PTPRN2: variants seen among roughly 807,000 people sequenced by gnomAD.
PTPRN2 encodes receptor-type tyrosine-protein phosphatase N2.
In PTPRN2, 74 loss-of-function variants were observed where a neutral mutation model predicts 118.8. The ratio of observed to expected loss-of-function variants is 0.62; its 90% CI spans 0.52 to 0.76. PTPRN2 has a LOEUF of 0.76. Among genes scored for constraint, PTPRN2 ranks in the 30% least tolerant of loss-of-function variants. The pLI, the probability that PTPRN2 is intolerant of heterozygous loss-of-function variation, is 0.00. For missense variants in PTPRN2, 1,481 were observed against 1,394.4 expected, an observed-to-expected ratio of 1.06 and a Z score of -0.99; for synonymous variants, 641 against 608.0, an observed-to-expected ratio of 1.05 and a Z score of -0.80.
At chr7:158,174,149 G>C (rs979530077) in intron 5 of PTPRN2, among the ~76,000 whole-genome samples, 23 of 152,156 alleles carry the variant, frequency 1.5e-4, no homozygotes, top group African/African-American at 5.3e-4. Flanking sequence ...GTAAAAACAG[G>C]CATAAGAAAT....
intron 12 of PTPRN2, among the ~76,000 whole-genome samples, chr7:157,701,248 G>A (rs1043405956): frequency 3.9e-5 from 6 of 152,164 alleles, no homozygotes; most frequent in African/African-American, 1.2e-4. Flanking sequence ...CACACACTGA[G>A]GGCATGTTTC....
rs534952528 is a variant in PTPRN2 at position 158,156,227 on chromosome 7, T to G, written c.910+10704A>C. Among the ~76,000 whole-genome samples the G allele has an allele frequency of 1.3e-5, 2 of 152,342 alleles. 1 individual carries two copies. Among genetic ancestry groups the G allele is most frequent in the South Asian group, 4.1e-4 (2 of 4,832 alleles). ...TCACCCAGTCTGACACTTTCTCTAT[T>G]GAATGCAATACTGAGGCAAAGAAGA... On this transcript the variant is annotated intron_variant, in intron 6 of 22. Coordinates refer to ENST00000389418, the MANE Select transcript of PTPRN2 (RefSeq NM_002847.5).
At chr7:158,268,968 G>C (rs1157715480) in intron 3 of PTPRN2, among the ~76,000 whole-genome samples, 1 of 152,168 alleles carries the variant, frequency 6.6e-6, no homozygotes, top group Non-Finnish European at 1.5e-5. Context: ...CATTGTTGTT[G>C]AAAGCCGTTG....
intron 6 of PTPRN2, among the ~76,000 whole-genome samples, chr7:158,143,775 A>C (rs753653360): frequency 3.2e-4 from 49 of 152,142 alleles, no homozygotes; most frequent in Non-Finnish European, 5.9e-4. Context: ...TGGTAGAACA[A>C]TTCACTTCCA....
chr7:158,345,930 C>G (rs1177621732), intron 2 of PTPRN2, among the ~76,000 whole-genome samples: 1 of 152,094 alleles, frequency 6.6e-6, no homozygotes, highest in African/African-American at 2.4e-5. Context: ...AACTCCCTCA[C>G]TATCACGAGA....
chr7:157,980,364 A>T (rs1482276792), intron 11 of PTPRN2, among the ~76,000 whole-genome samples: 1 of 152,250 alleles, frequency 6.6e-6, no homozygotes, highest in South Asian at 2.1e-4. Context: ...AAATTCAGTC[A>T]AGTGTTTCAA....
rs372382721 is a variant in PTPRN2, at chr7:158,088,205, A to G, written c.1644-6828T>C. Among the ~76,000 whole-genome samples the G allele has an allele frequency of 4.7e-4, 17 of 35,910 alleles. 1 individual carries two copies. The highest frequency in any genetic ancestry group is 5.5e-3 in the East Asian group (1 of 182). 23.6% of individuals were successfully genotyped at this position (35,910 alleles called of 152,430 possible). A position where few individuals can be genotyped will look rare whatever the true frequency, so the allele number is the denominator to read the frequency against. On this transcript the variant is annotated intron_variant, in intron 10 of 22. Transcript: ENST00000389418. ...ACAAACCTTCCTCCCCTGAGGAAAGAGGGAGTCTTCACACAAACCTTCTTC... is the reference window on the plus strand; with the variant it reads ...ACAAACCTTCCTCCCCTGAGGAAAGGGGGAGTCTTCACACAAACCTTCTTC...
intron 12 of PTPRN2, among the ~76,000 whole-genome samples, chr7:157,781,016 T>C (rs1015476023): frequency 6.6e-5 from 10 of 152,096 alleles, no homozygotes; most frequent in Non-Finnish European, 1.2e-4. Flanking sequence ...TCACCCCACA[T>C]CCTGGTCCAC....
In PTPRN2 at chr7:157,735,845, T is replaced by G. The variant is rs1346735726; in HGVS notation, c.1789-52908A>C. ...ACCTTCTCGGGAAAGGAGGCCCCCG[T>G]GAGGCTGGGTGGGCTCTGAATTCCC... On this transcript the variant is annotated intron_variant, in intron 12 of 22. Transcript: ENST00000389418. Among the ~76,000 whole-genome samples, 39 of 152,182 alleles carry G rather than the reference T, an allele frequency of 2.6e-4. 1 individual carries two copies. Among genetic ancestry groups the G allele is most frequent in the Non-Finnish European group, 1.5e-5 (1 of 68,026 alleles).
At chr7:158,432,795 T>C (rs1425556699) in intron 2 of PTPRN2, among the ~76,000 whole-genome samples, 2 of 151,982 alleles carry the variant, frequency 1.3e-5, no homozygotes, top group East Asian at 3.9e-4. Flanking sequence ...TAAGACAACC[T>C]CACCCTCACT....
intron 2 of PTPRN2, among the ~76,000 whole-genome samples, chr7:158,368,664 G>T (rs1809717471): frequency 6.6e-6 from 1 of 152,160 alleles, no homozygotes; most frequent in Admixed American, 6.5e-5. Context: ...CAGAGCAGCT[G>T]GGGGGCTCCC....
chr7:158,055,865 C>CTG (rs34708688), intron 11 of PTPRN2, among the ~76,000 whole-genome samples: 60,243 of 151,680 alleles, frequency 0.4, 12,570 homozygotes, highest in African/African-American at 0.53. Context: ...CAGGGCCCAG[C>CTG]TCTTTTATCT....
At chr7:157,685,638 C>T (rs1247972170) in intron 12 of PTPRN2, among the ~76,000 whole-genome samples, 1 of 152,194 alleles carries the variant, frequency 6.6e-6, no homozygotes, top group Non-Finnish European at 1.5e-5. Context: ...AGGCAGACAC[C>T]TGCTGTCGCC....
chr7:157,746,421 C>CAA, intron 12 of PTPRN2, among the ~76,000 whole-genome samples: 1 of 149,482 alleles, frequency 6.7e-6, no homozygotes, highest in Admixed American at 6.6e-5. Flanking sequence ...CACACGGAGC[C>CAA]CTGAGTGTGG....
At chr7:158,475,299 C>T (rs1439649565) in intron 2 of PTPRN2, among the ~76,000 whole-genome samples, 1 of 141,858 alleles carries the variant, frequency 7.0e-6, no homozygotes, top group African/African-American at 3.1e-5. Flanking sequence ...CCTGAGGACT[C>T]CCCAGCTCCC....
chr7:157,574,513 T>TAA (rs1799918149), intron 19 of PTPRN2: 1 of 277,808 alleles, frequency 3.6e-6, no homozygotes, highest in Non-Finnish European at 8.7e-6. Flanking sequence ...AGAGTAATAA[T>TAA]GAGAGAGAGA....
intron 1 of PTPRN2, among the ~76,000 whole-genome samples, chr7:158,548,498 C>T (rs991169271): frequency 1.4e-4 from 21 of 152,230 alleles, no homozygotes; most frequent in African/African-American, 4.3e-4. Flanking sequence ...GAGCTCCGCC[C>T]GCTCTTGGTG....
intron 2 of PTPRN2, among the ~76,000 whole-genome samples, chr7:158,352,631 C>T (rs561136737): frequency 5.9e-5 from 9 of 152,302 alleles, no homozygotes; most frequent in African/African-American, 2.2e-4. Context: ...CTGGGCCCCA[C>T]ACATTTCAGA....
chr7:158,527,072 CAG>C (rs968491024), intron 1 of PTPRN2, among the ~76,000 whole-genome samples: 4 of 152,172 alleles, frequency 2.6e-5, no homozygotes, highest in African/African-American at 9.7e-5. Flanking sequence ...GAGACGTGCG[CAG>C]AAACTGCACA....
Sources: allele counts gnomAD v4.1 joint callset (sites outside exome capture counted in the v4.1 genomes callset), GRCh38; gene constraint gnomAD v4.1.1; transcripts MANE v1.5; gene names NCBI Gene and HGNC (gene_info 2026-07-23, HGNC 2026-07-21).